Variants in ZNF780B observed in about 807,000 individuals in gnomAD.
ZNF780B encodes the protein zinc finger protein 780B.
ZNF780B carries 52 observed loss-of-function variants against 74.1 expected under a neutral mutation model. The ratio of observed to expected loss-of-function variants is 0.70; its 90% confidence interval spans 0.56 to 0.88. The LOEUF (loss-of-function observed/expected upper bound fraction) is 0.88. ZNF780B is among the 40% of genes least tolerant of loss of function. ZNF780B has a pLI of 0.00. For missense variants in ZNF780B, 953 were observed against 1,007.6 expected (o/e 0.95, Z 0.73); for synonymous variants, 315 against 324.3 (o/e 0.97, Z 0.31).
chr19:40,034,230 C>A lies in ZNF780B; in HGVS notation c.*127G>T. On this transcript the variant is annotated 3_prime_UTR_variant, in exon 5 of 5. Coordinates refer to ENST00000434248, the MANE Select transcript of ZNF780B (RefSeq NM_001005851.3). ...TCTCTGATGTACTCTAAGGTTTCTA[C>A]CACTGGTAAAGCATTTCCCACATCC... The A allele has an allele frequency of 1.3e-6, 1 of 795,648 alleles. No homozygotes were observed. The highest frequency in any genetic ancestry group is 2.0e-6 in the Non-Finnish European group (1 of 493,106). The allele number at this position is 795,648 out of a possible 1,614,324, so 49.3% of individuals were successfully genotyped here. A position where few individuals can be genotyped will look rare whatever the true frequency, so the allele number is the denominator to read the frequency against.
At chr19:40,048,410 C>T (rs752885200) in intron 3 of ZNF780B, among the ~76,000 whole-genome samples, 12 of 152,166 alleles carry the variant, frequency 7.9e-5, no homozygotes, top group Non-Finnish European at 1.5e-4. Context: ...TACAAGATTT[C>T]AAATTCAGCC....
chr19:40,034,420 A>G lies in ZNF780B; in HGVS notation c.2439T>C (p.Asn813=), dbSNP rs1972131028. Residue 813 remains asparagine (N), a synonymous_variant, in exon 5 of 5, where the codon AAT becomes AAC. Transcript: ENST00000434248. ...TACTGATGTCTGAAGGCTGTCCCACATTTCTTACATTCAAAGGGTTTCTCA... is the reference window on the plus strand; with the variant it reads ...TACTGATGTCTGAAGGCTGTCCCACGTTTCTTACATTCAAAGGGTTTCTCA... ...VQVRNPLNVR[N]VGQPSDISSN... is the part of the protein sequence containing the mutation. 2.5e-6 allele frequency: 4 copies of G among 1,613,922 alleles called. No individual in the cohort carries two copies. Among genetic ancestry groups the G allele is most frequent in the South Asian group, 1.1e-5 (1 of 91,058 alleles).
intron 2 of ZNF780B, among the ~76,000 whole-genome samples, chr19:40,049,974 G>T (rs1973131424): frequency 6.6e-6 from 1 of 152,020 alleles, no homozygotes; most frequent in Non-Finnish European, 1.5e-5. Flanking sequence ...AAGGCAGGGG[G>T]ATCATGAGGT....
At chr19:40,037,501 C>T (rs893942722) in intron 4 of ZNF780B, among the ~76,000 whole-genome samples, 1 of 152,162 alleles carries the variant, frequency 6.6e-6, no homozygotes, top group African/African-American at 2.4e-5. Context: ...GTCTTGAACT[C>T]CTGGCATCAA....
At chr19:40,045,301 A>G (rs1972882068) in intron 4 of ZNF780B, among the ~76,000 whole-genome samples, 1 of 152,200 alleles carries the variant, frequency 6.6e-6, no homozygotes, top group Non-Finnish European at 1.5e-5. Context: ...GAGAAAATTA[A>G]CAAAGAAACA....
chr19:40,033,840 T>C lies in ZNF780B; in HGVS notation c.*517A>G. 1 of 192,726 alleles carries C rather than the reference T, an allele frequency of 5.2e-6. No individual in the cohort carries two copies. The highest frequency in any genetic ancestry group is 1.1e-5 in the Non-Finnish European group (1 of 90,308). 11.9% of individuals were successfully genotyped at this position (192,726 alleles called of 1,614,324 possible). ...AAGTCTAAAGGTCTTCCCACATCCT[T>C]TACATTCACAGGGTTGCTCACCAGT... On this transcript the variant is annotated 3_prime_UTR_variant, in exon 5 of 5. Transcript: ENST00000434248.
chr19:40,038,758 G>T (rs1484352729), intron 4 of ZNF780B, among the ~76,000 whole-genome samples: 2 of 152,034 alleles, frequency 1.3e-5, no homozygotes, highest in Non-Finnish European at 2.9e-5. Context: ...TTTTTGATGG[G>T]GTTGTTTTTT....
chr19:40,053,038 T>C lies in ZNF780B; in HGVS notation c.-45-2661A>G, dbSNP rs113464538. 3.0e-3 allele frequency among the ~76,000 whole-genome samples: 457 copies of C among 152,252 alleles called. 1 individual carries two copies. Among genetic ancestry groups the C allele is most frequent in the African/African-American group, 8.9e-3 (371 of 41,558 alleles). On this transcript the variant is annotated intron_variant, in intron 1 of 4. Coordinates refer to ENST00000434248, the MANE Select transcript of ZNF780B (RefSeq NM_001005851.3). ...ATGACATTGATCTGGGCAATAATTT[T>C]TTTTTCTAGAAATGACTTCAAAAGC... is the stretch of plus-strand genomic sequence containing the variant.
chr19:40,047,353 T>A, intron 4 of ZNF780B, 22 bp downstream of exon 4: 1 of 1,590,092 alleles, frequency 6.3e-7, no homozygotes, highest in Non-Finnish European at 8.6e-7. Flanking sequence ...GGCTTCCCCC[T>A]GCCTGCTTTA....
At chr19:40,050,073 T>G (rs1973136647) in intron 2 of ZNF780B, among the ~76,000 whole-genome samples, 2 of 151,820 alleles carry the variant, frequency 1.3e-5, no homozygotes, top group African/African-American at 4.8e-5. Context: ...GGTGGGTGCC[T>G]GTAGTCCCAG....
At chr19:40,051,484 T>A (rs1973232278) in intron 1 of ZNF780B, among the ~76,000 whole-genome samples, 1 of 152,216 alleles carries the variant, frequency 6.6e-6, no homozygotes, top group Non-Finnish European at 1.5e-5. Flanking sequence ...TTTCTATGTA[T>A]GTTAGTACAA....
At chr19:40,049,225 C>A (rs1188662736) in intron 2 of ZNF780B, among the ~76,000 whole-genome samples, 1 of 119,452 alleles carries the variant, frequency 8.4e-6, no homozygotes, top group African/African-American at 4.0e-5. Context: ...CAGAGTGAGA[C>A]CCTATCTCAA....
At chr19:40,052,576 A>G (rs1973281626) in intron 1 of ZNF780B, among the ~76,000 whole-genome samples, 1 of 147,434 alleles carries the variant, frequency 6.8e-6, no homozygotes, top group Non-Finnish European at 1.5e-5. Flanking sequence ...ACAAAAATAG[A>G]AAAAAAAAAA....
chr19:40,039,635 G>T (rs1972532628), intron 4 of ZNF780B, among the ~76,000 whole-genome samples: 1 of 152,266 alleles, frequency 6.6e-6, no homozygotes, highest in South Asian at 2.1e-4. Context: ...CACATCCCTT[G>T]TAAGTTGGAT....
chr19:40,030,702 GCC>G lies in ZNF780B; in HGVS notation c.*3653_*3654del, dbSNP rs1175222713. ...GGACTCTGACTTCCAACATAGTACT[GCC>G]ATGATTGCATGATGATAGAGTTTCA... On this transcript the variant is annotated 3_prime_UTR_variant, in exon 5 of 5. Coordinates refer to ENST00000434248, the MANE Select transcript of ZNF780B (RefSeq NM_001005851.3). 1 of 152,156 alleles carries G rather than the reference GCC, an allele frequency of 6.6e-6. No homozygotes were observed. The highest frequency in any genetic ancestry group is 2.4e-5 in the African/African-American group (1 of 41,436). The allele number at this position is 152,156 out of a possible 1,614,324, so 9.4% of individuals were successfully genotyped here. A position where few individuals can be genotyped will look rare whatever the true frequency, so the allele number is the denominator to read the frequency against.
In ZNF780B at chr19:40,032,373, A is replaced by G. The variant is rs2144678840; in HGVS notation, c.*1984T>C. The stretch of plus-strand genomic sequence containing the variant: ...GGGTTTCCATGCTACAATACACTAA[A>G]GAGAGATAACCAAATGCAATGCAGA... On this transcript the variant is annotated 3_prime_UTR_variant, in exon 5 of 5. Transcript: ENST00000434248. The G allele has an allele frequency of 2.5e-6, 1 of 396,592 alleles. No homozygotes were observed. The highest frequency in any genetic ancestry group is 4.9e-6 in the Non-Finnish European group (1 of 202,920). 24.6% of individuals were successfully genotyped at this position (396,592 alleles called of 1,614,324 possible). A position where few individuals can be genotyped will look rare whatever the true frequency, so the allele number is the denominator to read the frequency against.
intron 4 of ZNF780B, among the ~76,000 whole-genome samples, chr19:40,043,301 C>T (rs1042768540): frequency 2.0e-5 from 3 of 152,176 alleles, no homozygotes; most frequent in East Asian, 1.9e-4. Context: ...GAGGAGTACC[C>T]GGCCGTGTGA....
rs757546815 is a variant in ZNF780B at position 40,036,279 on chromosome 19, T to G, written c.580A>C (p.Lys194Gln). ...AAGGCTTTCCCACATTCTTTGCATT[T>G]ATAGGGTTTCTCTCCAGTATGAATA... ...QSIHTGEKPYKCKECGKAFQL... is the reference protein window; with the variant it reads ...QSIHTGEKPYQCKECGKAFQL... The change falls in exon 5 of 5, where the codon AAA (lysine) becomes CAA (glutamine). Residue 194 changes from lysine to glutamine, a missense_variant. By Grantham distance (53) the Lys-to-Gln change is moderately conservative. Coordinates refer to ENST00000434248, the MANE Select transcript of ZNF780B (RefSeq NM_001005851.3). 1.7e-5 allele frequency: 28 copies of G among 1,612,952 alleles called. No homozygotes were observed. Among genetic ancestry groups the G allele is most frequent in the Non-Finnish European group, 2.3e-5 (27 of 1,179,756 alleles).
At chr19:40,055,543 T>C (rs1392435003) in intron 1 of ZNF780B, 2 of 152,054 alleles carry the variant, frequency 1.3e-5, no homozygotes, top group Non-Finnish European at 2.9e-5. Flanking sequence ...CAGACTAAGT[T>C]TGAAAGCACC....
Sources: allele counts gnomAD v4.1 joint callset (sites outside exome capture counted in the v4.1 genomes callset), GRCh38; gene constraint gnomAD v4.1.1; transcripts MANE v1.5; gene names NCBI Gene and HGNC (gene_info 2026-07-23, HGNC 2026-07-21).